Variants in KCTD14 observed in about 807,000 individuals in gnomAD.
KCTD14 encodes potassium channel tetramerization domain containing 14.
In KCTD14, 7 loss-of-function variants were observed where a neutral mutation model predicts 5.9. The observed-to-expected ratio is 1.19, with a 90% CI of 0.68 to 2.23. The LOEUF is 2.23. KCTD14 is among the 30% of genes most tolerant of loss of function. The pLI is 0.00. For synonymous variants in KCTD14, 140 were observed against 133.1 expected, an observed-to-expected ratio of 1.05 and a Z score of -0.36; for missense variants, 342 against 332.2, an observed-to-expected ratio of 1.03 and a Z score of -0.23.
intron 1 of KCTD14, 35 bp downstream of exon 1, chr11:78,023,125 C>T: frequency 1.4e-6 from 2 of 1,399,222 alleles, no homozygotes; most frequent in Non-Finnish European, 2.0e-6. Flanking sequence ...AGGCGGAGGA[C>T]AGAGGCGCGG....
At position 78,016,568 on chromosome 11, in the gene KCTD14, T is replaced by A. The variant is rs1161293570; in HGVS notation, c.*25A>T. On this transcript the variant is annotated 3_prime_UTR_variant, in exon 2 of 2. Coordinates refer to ENST00000353172, the MANE Select transcript of KCTD14 (RefSeq NM_023930.4). ...TTAATTTCATAAGCCACGCCAGAATTCATAACAGTCTCTGCTCCTGAGGAT... is the reference window on the plus strand; with the variant it reads ...TTAATTTCATAAGCCACGCCAGAATACATAACAGTCTCTGCTCCTGAGGAT... 6.3e-7 allele frequency: 1 copy of A among 1,589,116 alleles called. No individual in the cohort carries two copies. The highest frequency in any genetic ancestry group is 1.1e-5 in the South Asian group (1 of 88,828).
chr11:78,043,683 G>T (rs1243509440), intron 1 of KCTD14, among the ~76,000 whole-genome samples: 1 of 152,202 alleles, frequency 6.6e-6, no homozygotes, highest in Non-Finnish European at 1.5e-5. Flanking sequence ...AGACCAAAAG[G>T]TGTTGGTCAA....
intron 2 of KCTD14, among the ~76,000 whole-genome samples, chr11:78,033,901 G>GTGTGTGTGTATATATATATATATA: frequency 1.7e-5 from 2 of 115,600 alleles, no homozygotes; most frequent in African/African-American, 3.5e-5. Flanking sequence ...GTGTGTGTGT[G>GTGTGTGTGTATATATATATATATA]TATATATATA....
At chr11:78,035,163 G>A (rs749045116) in intron 2 of KCTD14, among the ~76,000 whole-genome samples, 32 of 152,128 alleles carry the variant, frequency 2.1e-4, no homozygotes, top group Non-Finnish European at 4.3e-4. Context: ...GCCAGTGGAA[G>A]TGGAGAGCAT....
chr11:78,039,082 A>AC (rs917281920), intron 1 of KCTD14, among the ~76,000 whole-genome samples: 2 of 151,782 alleles, frequency 1.3e-5, no homozygotes, highest in East Asian at 1.9e-4. Context: ...AAAAAAAAAA[A>AC]AAACACAAAA....
chr11:78,016,552 T>A lies in KCTD14; in HGVS notation c.*41A>T, dbSNP rs201591026. The A allele has an allele frequency of 6.5e-7, 1 of 1,534,000 alleles. No homozygotes were observed. Among genetic ancestry groups the A allele is most frequent in the Non-Finnish European group, 8.9e-7 (1 of 1,128,578 alleles). On this transcript the variant is annotated 3_prime_UTR_variant, in exon 2 of 2. Coordinates refer to ENST00000353172, the MANE Select transcript of KCTD14 (RefSeq NM_023930.4). ...GCTTTGATGGCAACTTTTAATTTCA[T>A]AAGCCACGCCAGAATTCATAACAGT...
upstream of KCTD14, among the ~76,000 whole-genome samples, chr11:78,024,411 TACAC>T (rs58091495): frequency 1.3e-3 from 155 of 116,840 alleles, no homozygotes; most frequent in East Asian, 3.3e-3. Context: ...TATATATATA[TACAC>T]ACACACACAC....
At chr11:78,022,415 TG>T (rs1857332162) in intron 1 of KCTD14, among the ~76,000 whole-genome samples, 1 of 152,160 alleles carries the variant, frequency 6.6e-6, no homozygotes, top group Non-Finnish European at 1.5e-5. Context: ...CAGGCATTTA[TG>T]GAACACCTAG....
chr11:78,033,900 T>TACATATAC (rs1232726987), intron 2 of KCTD14, among the ~76,000 whole-genome samples: 1 of 127,872 alleles, frequency 7.8e-6, no homozygotes, highest in African/African-American at 3.1e-5. Flanking sequence ...TGTGTGTGTG[T>TACATATAC]GTATATATAT....
At chr11:78,030,178 C>G (rs1311793893) in intron 2 of KCTD14, among the ~76,000 whole-genome samples, 2 of 152,120 alleles carry the variant, frequency 1.3e-5, no homozygotes, top group African/African-American at 4.8e-5. Flanking sequence ...TCCCCCCCTC[C>G]AATTGCATGT....
At chr11:78,023,475 C>T (rs149987709), upstream of KCTD14, 3 of 525,062 alleles carry the variant, frequency 5.7e-6, no homozygotes, top group East Asian at 1.0e-4. Flanking sequence ...TAAGGACTGA[C>T]CTTTTGATAT....
chr11:78,018,377 T>C (rs1209062622), intron 1 of KCTD14, among the ~76,000 whole-genome samples: 1 of 151,980 alleles, frequency 6.6e-6, no homozygotes, highest in Non-Finnish European at 1.5e-5. Context: ...CCCATCTCTG[T>C]TGTTTTTTAA....
intron 2 of KCTD14, among the ~76,000 whole-genome samples, chr11:78,035,273 G>T (rs1857755127): frequency 6.6e-6 from 1 of 152,126 alleles, no homozygotes; most frequent in South Asian, 2.1e-4. Flanking sequence ...CATGCACCCT[G>T]GCTTCCAACT....
chr11:78,020,673 G>A (rs1352565420), intron 1 of KCTD14, among the ~76,000 whole-genome samples: 1 of 152,176 alleles, frequency 6.6e-6, no homozygotes, highest in African/African-American at 2.4e-5. Context: ...AAGCTCTCAG[G>A]TCCTCCTAAT....
At chr11:78,039,372 A>T (rs957397890) in intron 1 of KCTD14, among the ~76,000 whole-genome samples, 4 of 89,480 alleles carry the variant, frequency 4.5e-5, no homozygotes, top group African/African-American at 2.1e-4. Flanking sequence ...CAAAAAAAAT[A>T]AATAAAATTA....
chr11:78,033,475 A>G (rs10793274), intron 2 of KCTD14, among the ~76,000 whole-genome samples: 62,944 of 151,428 alleles, frequency 0.42, 13,244 homozygotes, highest in African/African-American at 0.52. Flanking sequence ...TCAGGTCAGG[A>G]GTTCAAGACC....
chr11:78,044,442 G>A (rs1009190593), intron 1 of KCTD14, among the ~76,000 whole-genome samples: 1 of 152,142 alleles, frequency 6.6e-6, no homozygotes, highest in African/African-American at 2.4e-5. Context: ...GGTGTGAGGA[G>A]GGTTGTAGTA....
intron 1 of KCTD14, among the ~76,000 whole-genome samples, chr11:78,045,804 C>A (rs1466089138): frequency 6.6e-6 from 1 of 152,086 alleles, no homozygotes; most frequent in Non-Finnish European, 1.5e-5. Flanking sequence ...TTTCATAACG[C>A]CCGTCAAAGT....
At chr11:78,031,186 C>T (rs1857603610) in intron 2 of KCTD14, among the ~76,000 whole-genome samples, 1 of 151,346 alleles carries the variant, frequency 6.6e-6, no homozygotes, top group South Asian at 2.1e-4. Flanking sequence ...TCCCAAGTAG[C>T]TGGGATTACC....
Sources: gnomAD v4.1 joint callset for allele counts (sites outside exome capture counted in the v4.1 genomes callset) on GRCh38, gnomAD v4.1.1 for gene constraint, MANE v1.5 for transcripts, NCBI Gene and HGNC (gene_info 2026-07-23, HGNC 2026-07-21) for gene names.